Variants in LRP6 observed in about 807,000 individuals in gnomAD.
The protein encoded by LRP6 is LDL receptor related protein 6.
A neutral mutation model predicts 184.1 loss-of-function variants in LRP6; 43 were observed. The ratio of observed to expected loss-of-function variants is 0.23; its 90% CI spans 0.18 to 0.30. The LOEUF is 0.30. Ranked by LOEUF, LRP6 falls within the 10% of genes least tolerant of loss-of-function variation. The pLI is 1.00. For missense variants in LRP6, 1,571 were observed against 2,005.3 expected (o/e 0.78, Z 4.14); for synonymous variants, 719 against 684.9 (o/e 1.05, Z -0.78).
At chr12:12,201,828 T>C (rs1324447733) in intron 3 of LRP6, among the ~76,000 whole-genome samples, 1 of 152,206 alleles carries the variant, frequency 6.6e-6, no homozygotes, top group Admixed American at 6.5e-5. Context: ...TAAAACCACA[T>C]TGTTATATGT....
rs1397564292 is a variant in LRP6, at chr12:12,155,173, G to A, written c.2791+3656C>T. The A allele has an allele frequency of 2.5e-5, 13 of 520,388 alleles. 1 individual carries two copies. The highest frequency in any genetic ancestry group is 1.8e-4 in the South Asian group (10 of 54,768). The allele number at this position is 520,388 out of a possible 1,614,324, so 32.2% of individuals were successfully genotyped here. On this transcript the variant is annotated intron_variant, in intron 12 of 22. Coordinates refer to ENST00000261349, the MANE Select transcript of LRP6 (RefSeq NM_002336.3). Reference sequence around the variant, plus strand: ...ATCACGCCACTTTACTCCAGCCTGGGTGACAGTGTGAGACTCTGTCTCAAA... The same window carrying A: ...ATCACGCCACTTTACTCCAGCCTGGATGACAGTGTGAGACTCTGTCTCAAA...
chr12:12,158,850 C>T lies in LRP6; in HGVS notation c.2770G>A (p.Ala924Thr). The change falls in exon 12 of 23, where the codon GCT (alanine) becomes ACT (threonine). Residue 924 changes from alanine (A) to threonine (T), a missense_variant. Ala to Thr is a moderately conservative substitution (Grantham distance 58). This residue lies in a region of LRP6 where 763 missense variants were observed against 859.5 expected (regional missense o/e 0.89). Coordinates refer to ENST00000261349, the MANE Select transcript of LRP6 (RefSeq NM_002336.3). Reference protein sequence around the residue: ...CGCPAHYSLNADNRTCSAPTT... With the variant: ...CGCPAHYSLNTDNRTCSAPTT... ...TTACCACTACAAGTCCTGTTGTCAGCATTAAGAGAGTAGTGGGCAGGGCAT... is the reference window on the plus strand; with the variant it reads ...TTACCACTACAAGTCCTGTTGTCAGTATTAAGAGAGTAGTGGGCAGGGCAT... 3 of 1,614,196 alleles carry T rather than the reference C, an allele frequency of 1.9e-6. No homozygotes were observed. The highest frequency in any genetic ancestry group is 2.5e-6 in the Non-Finnish European group (3 of 1,180,036).
intron 2 of LRP6, among the ~76,000 whole-genome samples, chr12:12,216,511 T>G (rs1353476596): frequency 6.6e-6 from 1 of 152,106 alleles, no homozygotes; most frequent in Non-Finnish European, 1.5e-5. Flanking sequence ...ACTGATTAAA[T>G]GTGAGGAGTG....
chr12:12,181,518 C>A, intron 5 of LRP6, 79 bp from the exon 6 acceptor site: 1 of 795,358 alleles, frequency 1.3e-6, no homozygotes, highest in Non-Finnish European at 2.2e-6. Flanking sequence ...GAATCAAGAA[C>A]TGAAAAATAA....
chr12:12,258,159 T>C (rs1865518242), intron 1 of LRP6, among the ~76,000 whole-genome samples: 1 of 152,142 alleles, frequency 6.6e-6, no homozygotes, highest in Admixed American at 6.5e-5. Flanking sequence ...GTTTTGTCTG[T>C]GATATGGAGT....
At chr12:12,229,419 T>C (rs1021556341) in intron 2 of LRP6, among the ~76,000 whole-genome samples, 3 of 150,818 alleles carry the variant, frequency 2.0e-5, no homozygotes, top group African/African-American at 7.3e-5. Flanking sequence ...ACACTGAGAC[T>C]TGAAAATCTC....
rs1025067438 is a variant in LRP6 at position 12,121,021 on chromosome 12, G to A, written c.*105C>T. The stretch of plus-strand genomic sequence containing the variant: ...CATTTTATAATTTTAACTGTACATG[G>A]TCTGCCTCATCCTTCTCTAATAGCT... On this transcript the variant is annotated 3_prime_UTR_variant, in exon 23 of 23. Coordinates refer to ENST00000261349, the MANE Select transcript of LRP6 (RefSeq NM_002336.3). 1.2e-5 allele frequency: 11 copies of A among 933,142 alleles called. No homozygotes were observed. Among genetic ancestry groups the A allele is most frequent in the East Asian group, 2.7e-5 (1 of 37,668 alleles). The allele number at this position is 933,142 out of a possible 1,614,324, so 57.8% of individuals were successfully genotyped here.
intron 7 of LRP6, among the ~76,000 whole-genome samples, chr12:12,168,837 GT>G (rs113501946): frequency 9.9e-5 from 15 of 150,820 alleles, no homozygotes; most frequent in East Asian, 5.8e-4. Flanking sequence ...TTGTCTTTTT[GT>G]TTTTTTTTAA....
chr12:12,150,021 T>A (rs1274897332), intron 13 of LRP6, among the ~76,000 whole-genome samples: 1 of 152,180 alleles, frequency 6.6e-6, no homozygotes, highest in East Asian at 1.9e-4. Flanking sequence ...TGGTCTTTAT[T>A]TTAAGATGAG....
intron 16 of LRP6, among the ~76,000 whole-genome samples, chr12:12,136,913 GA>G (rs1949848521): frequency 6.6e-6 from 1 of 152,008 alleles, no homozygotes; most frequent in African/African-American, 2.4e-5. Context: ...TTGAAATTCT[GA>G]AAATCTTGAG....
In LRP6 at chr12:12,116,982, A is replaced by G. The variant is rs1030417319; in HGVS notation, c.*4144T>C. 1 of 152,210 alleles carries G rather than the reference A, an allele frequency of 6.6e-6. No homozygotes were observed. Among genetic ancestry groups the G allele is most frequent in the African/African-American group, 2.4e-5 (1 of 41,460 alleles). The allele number at this position is 152,210 out of a possible 1,614,324, so 9.4% of individuals were successfully genotyped here. A position where few individuals can be genotyped will look rare whatever the true frequency, so the allele number is the denominator to read the frequency against. On this transcript the variant is annotated 3_prime_UTR_variant, in exon 23 of 23. Coordinates refer to ENST00000261349, the MANE Select transcript of LRP6 (RefSeq NM_002336.3). ...TAAATTTTAAAAAAATTATAAACGT[A>G]TAATTTTATACTTGAGGTCCAAAGT...
chr12:12,192,528 C>CATTTT (rs1453793022), intron 3 of LRP6, among the ~76,000 whole-genome samples: 2 of 151,936 alleles, frequency 1.3e-5, no homozygotes, highest in Non-Finnish European at 2.9e-5. Flanking sequence ...TATAAAAGCA[C>CATTTT]ATTTTACATT....
intron 15 of LRP6, among the ~76,000 whole-genome samples, chr12:12,145,513 CCCCTCCCTCCCT>C (rs565480325): frequency 2.1e-5 from 3 of 143,844 alleles, no homozygotes; most frequent in Non-Finnish European, 4.6e-5. Context: ...TCTCCTCTCT[CCCCTCCCTCCCT>C]CCCTCCCTCC....
intron 11 of LRP6, 33 bp downstream of exon 11, chr12:12,159,747 T>A (rs371856108): frequency 6.3e-7 from 1 of 1,595,876 alleles, no homozygotes; most frequent in African/African-American, 1.3e-5. Flanking sequence ...ATGGAAAGAA[T>A]ATACTGTTTG....
rs2137004829 is a variant in LRP6, at chr12:12,186,977, C to T, written c.790G>A (p.Asp264Asn). The T allele has an allele frequency of 6.2e-7, 1 of 1,614,128 alleles. No individual in the cohort carries two copies. The highest frequency in any genetic ancestry group is 8.5e-7 in the Non-Finnish European group (1 of 1,180,026). Residue 264 changes from aspartate (D) to asparagine (N), a missense_variant, in exon 4 of 23, where the codon GAC becomes AAC. Asp to Asn is a conservative substitution (Grantham distance 23). Coordinates refer to ENST00000261349, the MANE Select transcript of LRP6 (RefSeq NM_002336.3). Reference protein sequence around the residue: ...TGEGLREIHSDIFSPMDIHAF... With the variant: ...TGEGLREIHSNIFSPMDIHAF... ...TGTATATCCATGGGAGAGAAGATGT[C>T]AGAATGGATTTCACGCAGACCCTCA... is the stretch of plus-strand genomic sequence containing the variant.
rs572007651 is a variant in LRP6, at chr12:12,220,125, T to TA, written c.450-16726dup. On this transcript the variant is annotated intron_variant, in intron 2 of 22. Coordinates refer to ENST00000261349, the MANE Select transcript of LRP6 (RefSeq NM_002336.3). ...CAACATGGTAAAACCCTGTCTCTAC[T>TA]AAAAATGCAAAAATTAACCAGGTGT... Among the ~76,000 whole-genome samples the TA allele has an allele frequency of 2.6e-3, 392 of 152,012 alleles. 2 individuals are homozygous for TA. The highest frequency in any genetic ancestry group is 4.9e-3 in the Non-Finnish European group (333 of 67,982).
At chr12:12,218,658 A>G (rs1864410446) in intron 2 of LRP6, among the ~76,000 whole-genome samples, 1 of 152,060 alleles carries the variant, frequency 6.6e-6, no homozygotes, top group South Asian at 2.1e-4. Flanking sequence ...TAGGATGGTT[A>G]TAACTTTTTA....
In LRP6 at chr12:12,162,209, A is replaced by G. The variant is rs776803101; in HGVS notation, c.2263T>C (p.Leu755=). Residue 755 remains leucine, a synonymous_variant, in exon 10 of 23, where the codon TTG becomes CTG. Coordinates refer to ENST00000261349, the MANE Select transcript of LRP6 (RefSeq NM_002336.3). The part of the protein sequence containing the change: ...KDLDSPRALA[L]DPAEGFMYWT... ...GCTGTTTACCCTTCGGCAGGGTCCA[A>G]CGCGAGAGCTCTGGGACTATCTAGG... 1.9e-6 allele frequency: 3 copies of G among 1,614,190 alleles called. No individual in the cohort carries two copies. Among genetic ancestry groups the G allele is most frequent in the Non-Finnish European group, 1.7e-6 (2 of 1,180,012 alleles).
At chr12:12,185,358 C>T (rs1047169419) in intron 4 of LRP6, among the ~76,000 whole-genome samples, 1 of 152,088 alleles carries the variant, frequency 6.6e-6, no homozygotes, top group Non-Finnish European at 1.5e-5. Flanking sequence ...ATACAAGTGA[C>T]TGAACATTTT....
Sources: gnomAD v4.1 joint callset for allele counts (sites outside exome capture counted in the v4.1 genomes callset) on GRCh38, gnomAD v4.1.1 for gene constraint, gnomAD v4.1.1 regional missense constraint, MANE v1.5 for transcripts, NCBI Gene and HGNC (gene_info 2026-07-23, HGNC 2026-07-21) for gene names.